MEF2A: variants seen among roughly 807,000 people sequenced by gnomAD.
MEF2A encodes myocyte enhancer factor 2A.
In MEF2A, 28 loss-of-function variants were observed where a neutral mutation model predicts 55.8. The observed-to-expected ratio is 0.50, with a 90% CI of 0.37 to 0.69. The LOEUF (loss-of-function observed/expected upper bound fraction) is 0.69. Ranked by LOEUF, MEF2A falls within the 30% of genes least tolerant of loss-of-function variation. MEF2A has a pLI of 0.00. For missense variants in MEF2A, 528 were observed against 626.2 expected, an observed-to-expected ratio of 0.84 and a Z score of 1.67; for synonymous variants, 239 against 227.1, an observed-to-expected ratio of 1.05 and a Z score of -0.47.
chr15:99,679,421 A>G (rs562452678), intron 7 of MEF2A, among the ~76,000 whole-genome samples: 1 of 152,346 alleles, frequency 6.6e-6, no homozygotes, highest in South Asian at 2.1e-4. Context: ...CTCAACATGG[A>G]TGAATGTCAC....
chr15:99,583,952 A>C (rs892706434), intron 1 of MEF2A, among the ~76,000 whole-genome samples: 2 of 152,284 alleles, frequency 1.3e-5, no homozygotes, highest in Admixed American at 1.3e-4. Flanking sequence ...TAGATGGCAC[A>C]GTCTACTACA....
intron 4 of MEF2A, among the ~76,000 whole-genome samples, chr15:99,653,220 A>G (rs996280316): frequency 1.3e-5 from 2 of 152,180 alleles, no homozygotes; most frequent in Admixed American, 1.3e-4. Context: ...CAGTTCTCTT[A>G]TATATAGATG....
chr15:99,636,206 C>T (rs905001917), intron 3 of MEF2A, among the ~76,000 whole-genome samples: 2 of 151,948 alleles, frequency 1.3e-5, no homozygotes, highest in African/African-American at 4.8e-5. Flanking sequence ...CTAGTCTGTT[C>T]ACTTCATTTT....
chr15:99,616,810 C>T (rs1258570584), intron 2 of MEF2A, among the ~76,000 whole-genome samples: 1 of 152,024 alleles, frequency 6.6e-6, no homozygotes, highest in African/African-American at 2.4e-5. Context: ...GATGGGTACA[C>T]CATTGAGAGC....
At chr15:99,686,215 C>T (rs1484938482) in intron 7 of MEF2A, among the ~76,000 whole-genome samples, 1 of 152,030 alleles carries the variant, frequency 6.6e-6, no homozygotes, top group Non-Finnish European at 1.5e-5. Flanking sequence ...ACATTTAGGC[C>T]ATTTATATTC....
chr15:99,651,582 G>A (rs1282272570), intron 4 of MEF2A, among the ~76,000 whole-genome samples: 1 of 152,152 alleles, frequency 6.6e-6, no homozygotes, highest in Non-Finnish European at 1.5e-5. Context: ...AGAGCCTGAA[G>A]CAGCAGGATG....
intron 1 of MEF2A, among the ~76,000 whole-genome samples, chr15:99,572,218 G>A (rs558787603): frequency 2.1e-4 from 32 of 152,020 alleles, no homozygotes; most frequent in Non-Finnish European, 3.7e-4. Flanking sequence ...TGTCAGCCAC[G>A]AAGGCCTCTC....
At chr15:99,567,291 T>TAA (rs1960079238) in intron 1 of MEF2A, among the ~76,000 whole-genome samples, 1 of 152,242 alleles carries the variant, frequency 6.6e-6, no homozygotes, top group Admixed American at 6.5e-5. Context: ...AAACATTGTC[T>TAA]TAACATTTTT....
intron 3 of MEF2A, among the ~76,000 whole-genome samples, chr15:99,639,685 G>A (rs1390824965): frequency 6.6e-6 from 1 of 152,146 alleles, no homozygotes; most frequent in Non-Finnish European, 1.5e-5. Context: ...ACTGCAGTAA[G>A]TTTGTATGAT....
chr15:99,638,220 A>G (rs1344596883), intron 3 of MEF2A, among the ~76,000 whole-genome samples: 1 of 152,158 alleles, frequency 6.6e-6, no homozygotes, highest in Non-Finnish European at 1.5e-5. Flanking sequence ...TCCAACTTCC[A>G]TTCATTTCTG....
intron 4 of MEF2A, among the ~76,000 whole-genome samples, chr15:99,668,392 A>G (rs2050206336): frequency 6.6e-6 from 1 of 152,240 alleles, no homozygotes; most frequent in South Asian, 2.1e-4. Flanking sequence ...AACTAGGATA[A>G]GTCAACTTAA....
At chr15:99,606,951 T>C (rs2153148364) in intron 2 of MEF2A, among the ~76,000 whole-genome samples, 1 of 152,302 alleles carries the variant, frequency 6.6e-6, no homozygotes. Flanking sequence ...AATAAACTCA[T>C]GATACATTCA....
chr15:99,625,487 T>C (rs2041909510), intron 2 of MEF2A, among the ~76,000 whole-genome samples: 1 of 152,132 alleles, frequency 6.6e-6, no homozygotes, highest in Non-Finnish European at 1.5e-5. Flanking sequence ...GTCTAATTGC[T>C]CTAGCTAGAG....
At chr15:99,592,917 G>T (rs1969837916) in intron 1 of MEF2A, among the ~76,000 whole-genome samples, 1 of 152,134 alleles carries the variant, frequency 6.6e-6, no homozygotes, top group African/African-American at 2.4e-5. Flanking sequence ...CTGAATGTTA[G>T]GGATGTAGGT....
At chr15:99,688,664 G>A (rs1194417799) in intron 7 of MEF2A, among the ~76,000 whole-genome samples, 1 of 152,188 alleles carries the variant, frequency 6.6e-6, no homozygotes, top group African/African-American at 2.4e-5. Context: ...GGCTGAGGCA[G>A]GAGAATGGCG....
At chr15:99,696,558 T>C (rs1317099758) in intron 8 of MEF2A, among the ~76,000 whole-genome samples, 1 of 151,464 alleles carries the variant, frequency 6.6e-6, no homozygotes, top group East Asian at 1.9e-4. Context: ...CAAATGAAAA[T>C]GGAAATACAG....
At chr15:99,675,522 G>T in intron 7 of MEF2A, 64 bp downstream of exon 7, 2 of 1,386,254 alleles carry the variant, frequency 1.4e-6, no homozygotes, top group Non-Finnish European at 2.0e-6. Context: ...AAGGAATGTT[G>T]TTCCTGAAAT....
chr15:99,699,089 C>T (rs900211821), intron 8 of MEF2A, among the ~76,000 whole-genome samples: 15 of 151,730 alleles, frequency 9.9e-5, no homozygotes, highest in African/African-American at 3.6e-4. Flanking sequence ...ACTTGCTGTA[C>T]AATCCGGTAA....
intron 4 of MEF2A, among the ~76,000 whole-genome samples, chr15:99,651,336 C>T (rs2046815499): frequency 6.6e-6 from 1 of 152,074 alleles, no homozygotes; most frequent in South Asian, 2.1e-4. Context: ...CATGATTATG[C>T]TTGGATTTTC....
Sources: allele counts gnomAD v4.1 joint callset (sites outside exome capture counted in the v4.1 genomes callset), GRCh38; gene constraint gnomAD v4.1.1; transcripts MANE v1.5; gene names NCBI Gene and HGNC (gene_info 2026-07-23, HGNC 2026-07-21).